Variants in CATSPERT observed in about 807,000 individuals in gnomAD.
CATSPERT encodes cation channel sperm-associated targeting subunit tau.
At chr2:201,533,154 C>T in the CATSPERT span, among the ~76,000 whole-genome samples, 1 of 152,098 alleles carries the variant, frequency 6.6e-6, no homozygotes, top group Non-Finnish European at 1.5e-5. Flanking sequence ...ATTTGATACA[C>T]AGGAAGCCCA....
chr2:201,553,335 A>T, the CATSPERT span: 1 of 152,202 alleles, frequency 6.6e-6, no homozygotes, highest in African/African-American at 2.4e-5. Context: ...TCACAATTTC[A>T]TCTGGCATTT....
the CATSPERT span, among the ~76,000 whole-genome samples, chr2:201,614,680 T>G: frequency 1.3e-5 from 2 of 152,164 alleles, no homozygotes; most frequent in African/African-American, 4.8e-5. Context: ...GCTAACATCA[T>G]AATGACAGGA....
the CATSPERT span, chr2:201,492,646 A>G: frequency 6.5e-7 from 1 of 1,528,764 alleles, no homozygotes; most frequent in South Asian, 1.2e-5. Context: ...AATCTCTTTT[A>G]AAAAAGATCT....
chr2:201,559,524 G>A, the CATSPERT span, among the ~76,000 whole-genome samples: 1 of 152,096 alleles, frequency 6.6e-6, no homozygotes, highest in Non-Finnish European at 1.5e-5. Flanking sequence ...AGTTGCTCTG[G>A]GCAGGAATAC....
At chr2:201,493,998 T>G in the CATSPERT span, 1 of 1,536,716 alleles carries the variant, frequency 6.5e-7, no homozygotes, top group Non-Finnish European at 8.7e-7. Context: ...TATTTTTAAT[T>G]ACTTGACCAC....
the CATSPERT span, among the ~76,000 whole-genome samples, chr2:201,532,784 G>A: frequency 9.9e-5 from 15 of 152,132 alleles, no homozygotes; most frequent in East Asian, 3.8e-4. Flanking sequence ...TGTCAAATGC[G>A]GCTAAGTAGT....
At chr2:201,612,912 C>CG in the CATSPERT span, among the ~76,000 whole-genome samples, 1 of 152,202 alleles carries the variant, frequency 6.6e-6, no homozygotes, top group African/African-American at 2.4e-5. Flanking sequence ...TATCCCATGC[C>CG]TGGCTTGGAA....
At chr2:201,579,608 C>T in the CATSPERT span, among the ~76,000 whole-genome samples, 3 of 151,974 alleles carry the variant, frequency 2.0e-5, no homozygotes, top group South Asian at 6.2e-4. Flanking sequence ...ACAACTTTTT[C>T]GAATCTGTAT....
chr2:201,619,006 T>G, the CATSPERT span: 1 of 1,614,052 alleles, frequency 6.2e-7, no homozygotes, highest in Non-Finnish European at 8.5e-7. Context: ...CCCTTTAATG[T>G]GCATGATATC....
At chr2:201,565,968 C>G in the CATSPERT span, 2 of 1,169,314 alleles carry the variant, frequency 1.7e-6, no homozygotes, top group South Asian at 2.1e-5. Context: ...CTCTTTTACA[C>G]TTTTAGCTCA....
the CATSPERT span, chr2:201,618,921 G>A: frequency 6.2e-7 from 1 of 1,613,832 alleles, no homozygotes; most frequent in South Asian, 1.1e-5. Context: ...GGTGCCCGGT[G>A]CCCTCCTGGT....
the CATSPERT span, among the ~76,000 whole-genome samples, chr2:201,507,272 C>T: frequency 2.6e-5 from 4 of 152,212 alleles, no homozygotes; most frequent in South Asian, 2.1e-4. Flanking sequence ...ATCCCATTCA[C>T]GTTTACATCA....
At chr2:201,603,275 C>T in the CATSPERT span, 2 of 1,609,554 alleles carry the variant, frequency 1.2e-6, no homozygotes, top group Non-Finnish European at 1.7e-6. Flanking sequence ...AGGCAGCCAA[C>T]CTACAACAAT....
At chr2:201,490,277 C>G in the CATSPERT span, among the ~76,000 whole-genome samples, 2 of 152,196 alleles carry the variant, frequency 1.3e-5, no homozygotes, top group Admixed American at 1.3e-4. Flanking sequence ...ATTCATAATC[C>G]AATGGATTGT....
the CATSPERT span, chr2:201,491,658 C>T: frequency 2.0e-6 from 3 of 1,537,038 alleles, no homozygotes; most frequent in Non-Finnish European, 1.7e-6. Flanking sequence ...ACTCATCTTC[C>T]CTTGGCATTC....
At chr2:201,590,444 A>C in the CATSPERT span, among the ~76,000 whole-genome samples, 20 of 152,174 alleles carry the variant, frequency 1.3e-4, no homozygotes, top group African/African-American at 4.8e-4. Flanking sequence ...CGCAATAAAC[A>C]TATGTGTGCA....
chr2:201,547,697 G>T, the CATSPERT span: 1 of 640,098 alleles, frequency 1.6e-6, no homozygotes. Flanking sequence ...CTTGCAATGT[G>T]ATCCATTTAT....
At chr2:201,580,765 A>G in the CATSPERT span, among the ~76,000 whole-genome samples, 1 of 152,218 alleles carries the variant, frequency 6.6e-6, no homozygotes, top group Non-Finnish European at 1.5e-5. Context: ...CTTGACTCTG[A>G]GTTCAACACA....
chr2:201,509,988 A>G, the CATSPERT span, among the ~76,000 whole-genome samples: 7 of 150,892 alleles, frequency 4.6e-5, no homozygotes, highest in African/African-American at 1.7e-4. Flanking sequence ...GAAATAATAT[A>G]CTTTATTTTA....
Sources: allele counts gnomAD v4.1 joint callset (sites outside exome capture counted in the v4.1 genomes callset), GRCh38; gene constraint gnomAD v4.1.1; transcripts MANE v1.5; gene names NCBI Gene and HGNC (gene_info 2026-07-23, HGNC 2026-07-21).